TENM3: variants seen among roughly 807,000 people sequenced by gnomAD.
The protein encoded by TENM3 is teneurin-3.
Under a neutral mutation model 255.1 loss-of-function variants are expected in TENM3, and 63 were observed. The ratio of observed to expected loss-of-function variants is 0.25; its 90% CI spans 0.20 to 0.30. The LOEUF (loss-of-function observed/expected upper bound fraction) is 0.30. Ranked by LOEUF, TENM3 falls within the 10% of genes least tolerant of loss-of-function variation. The probability of loss-of-function intolerance (pLI) is 1.00; values close to 1 mark genes in which losing one functional copy is unlikely to be tolerated. For synonymous variants in TENM3, 1,306 were observed against 1,322.3 expected (o/e 0.99, Z 0.27); for missense variants, 2,929 against 3,461.1 (o/e 0.85, Z 3.86).
At chr4:181,535,926 A>G in the TENM3 span, among the ~76,000 whole-genome samples, 1 of 152,050 alleles carries the variant, frequency 6.6e-6, no homozygotes, top group African/African-American at 2.4e-5. Context: ...TCATTTTGAA[A>G]ATGAGAGGTA....
chr4:182,623,298 C>T (rs1750475827), intron 4 of TENM3, among the ~76,000 whole-genome samples: 1 of 151,644 alleles, frequency 6.6e-6, no homozygotes, highest in Admixed American at 6.6e-5. Context: ...CAGGTGTGAG[C>T]CACCACGTCT....
At chr4:182,637,431 G>A (rs1751934017) in intron 5 of TENM3, among the ~76,000 whole-genome samples, 1 of 152,188 alleles carries the variant, frequency 6.6e-6, no homozygotes, top group African/African-American at 2.4e-5. Flanking sequence ...TGAGGCAGAA[G>A]GATCACCACT....
At chr4:181,921,680 A>C in the TENM3 span, among the ~76,000 whole-genome samples, 1 of 152,180 alleles carries the variant, frequency 6.6e-6, no homozygotes, top group Non-Finnish European at 1.5e-5. Flanking sequence ...TCATCTTCAA[A>C]CAGGGACAAT....
chr4:181,581,599 T>C, the TENM3 span, among the ~76,000 whole-genome samples: 1 of 152,140 alleles, frequency 6.6e-6, no homozygotes, highest in Non-Finnish European at 1.5e-5. Context: ...AAAATACCAT[T>C]GCATTTATTA....
intron 3 of TENM3, among the ~76,000 whole-genome samples, chr4:182,355,373 G>C (rs1432490508): frequency 6.6e-6 from 1 of 152,096 alleles, no homozygotes; most frequent in East Asian, 1.9e-4. Context: ...TAATGGGGAG[G>C]CTCTGAGGGA....
the TENM3 span, among the ~76,000 whole-genome samples, chr4:182,023,431 T>C: frequency 3.9e-5 from 6 of 152,330 alleles, 1 homozygote; most frequent in African/African-American, 1.2e-4. Flanking sequence ...ATAATTATCA[T>C]AGGTTTTTTC....
the TENM3 span, among the ~76,000 whole-genome samples, chr4:181,679,339 T>G: frequency 6.6e-6 from 1 of 151,950 alleles, no homozygotes; most frequent in African/African-American, 2.4e-5. Flanking sequence ...CATTCACGAA[T>G]CTTTCATTGA....
intron 1 of TENM3, among the ~76,000 whole-genome samples, chr4:182,277,874 G>A (rs1760108388): frequency 6.6e-6 from 1 of 152,178 alleles, no homozygotes; most frequent in Non-Finnish European, 1.5e-5. Flanking sequence ...AAACAGTAGT[G>A]CAAAATTACT....
chr4:181,716,308 T>C, the TENM3 span, among the ~76,000 whole-genome samples: 254 of 152,344 alleles, frequency 1.7e-3, 2 homozygotes, highest in African/African-American at 5.8e-3. Context: ...AATTATAATA[T>C]GCCGTTAACC....
intron 3 of TENM3, among the ~76,000 whole-genome samples, chr4:182,563,980 C>T (rs1181349283): frequency 6.6e-6 from 1 of 152,148 alleles, no homozygotes; most frequent in Non-Finnish European, 1.5e-5. Flanking sequence ...TCGCTCCTGC[C>T]AATCATTCCT....
chr4:181,712,111 A>T, the TENM3 span, among the ~76,000 whole-genome samples: 1 of 152,100 alleles, frequency 6.6e-6, no homozygotes, highest in African/African-American at 2.4e-5. Context: ...CCCCAACCCC[A>T]GCCAGTCAGT....
the TENM3 span, among the ~76,000 whole-genome samples, chr4:181,690,624 CA>C: frequency 2.9e-4 from 44 of 150,666 alleles, no homozygotes; most frequent in African/African-American, 1.0e-3. Flanking sequence ...TCATTCAAAC[CA>C]GAGAGATTAA....
intron 1 of TENM3, among the ~76,000 whole-genome samples, chr4:182,264,367 TTA>T (rs1263923885): frequency 2.6e-5 from 4 of 152,198 alleles, no homozygotes. Context: ...CCACGTTGTT[TTA>T]TGTCCTTGGG....
intron 3 of TENM3, among the ~76,000 whole-genome samples, chr4:182,556,695 T>C (rs1742621661): frequency 6.6e-6 from 1 of 152,172 alleles, no homozygotes; most frequent in Non-Finnish European, 1.5e-5. Flanking sequence ...ATTTGGGAAA[T>C]CTTAAGAGGG....
chr4:182,646,665 C>T (rs1304762027), intron 5 of TENM3, among the ~76,000 whole-genome samples: 1 of 152,136 alleles, frequency 6.6e-6, no homozygotes, highest in Non-Finnish European at 1.5e-5. Context: ...TAGCTTGAAC[C>T]CAGGAGGTGG....
At chr4:181,599,993 G>A in the TENM3 span, among the ~76,000 whole-genome samples, 30 of 152,082 alleles carry the variant, frequency 2.0e-4, no homozygotes, top group East Asian at 4.3e-3. Flanking sequence ...TGACTGTATC[G>A]CCCTCTTTCT....
At chr4:181,567,479 A>T in the TENM3 span, among the ~76,000 whole-genome samples, 180 of 152,340 alleles carry the variant, frequency 1.2e-3, no homozygotes, top group African/African-American at 3.7e-3. Flanking sequence ...CATCAGGCAG[A>T]CACCTTCAAA....
intron 6 of TENM3, among the ~76,000 whole-genome samples, chr4:182,666,579 A>T (rs1754700299): frequency 1.3e-5 from 2 of 152,210 alleles, no homozygotes; most frequent in Admixed American, 6.5e-5. Flanking sequence ...AAAATTTTTT[A>T]AATTAAGTTT....
intron 2 of TENM3, among the ~76,000 whole-genome samples, chr4:182,336,781 A>C (rs1303164751): frequency 6.6e-6 from 1 of 152,056 alleles, no homozygotes. Context: ...CCAATGCTGA[A>C]GGAAATTTTA....
Sources: gnomAD v4.1 joint callset for allele counts (sites outside exome capture counted in the v4.1 genomes callset) on GRCh38, gnomAD v4.1.1 for gene constraint, MANE v1.5 for transcripts, NCBI Gene and HGNC (gene_info 2026-07-23, HGNC 2026-07-21) for gene names.